MDC1: variants seen among roughly 807,000 people sequenced by gnomAD.
MDC1 encodes the protein mediator of DNA damage checkpoint 1, also known as mediator of DNA damage checkpoint protein 1.
A neutral mutation model predicts 142.5 loss-of-function variants in MDC1; 81 were observed. That is an observed-to-expected ratio of 0.57 (90% CI 0.47 to 0.68). The LOEUF (loss-of-function observed/expected upper bound fraction) is 0.68, where lower values mean the gene tolerates loss of function less well. Among genes scored for constraint, MDC1 ranks in the 30% least tolerant of loss-of-function variants. The pLI, the probability that MDC1 is intolerant of heterozygous loss-of-function variation, is 0.00. For missense variants in MDC1, 2,119 were observed against 2,547.9 expected, an observed-to-expected ratio of 0.83 and a Z score of 3.62; for synonymous variants, 797 against 968.4, an observed-to-expected ratio of 0.82 and a Z score of 3.29.
rs1230290996 is a variant in MDC1, at chr6:30,712,436, A to G, written c.1506T>C (p.Asp502=). The change falls in exon 5 of 15, where the codon GAT becomes GAC. Residue 502 remains aspartate (D), a synonymous_variant. Transcript: ENST00000376406. The surrounding 1 kb of genome is among the most constrained non-coding windows in gnomAD (Gnocchi z 4.7). ...CCAGGTGGATCCCAGGTGAGCTCTTATCTGCTTCCACACTGTCATCACTGT... is the reference window on the plus strand; with the variant it reads ...CCAGGTGGATCCCAGGTGAGCTCTTGTCTGCTTCCACACTGTCATCACTGT... ...FGDSDDSVEA[D]KSSPGIHLER... 2.5e-6 allele frequency: 4 copies of G among 1,612,886 alleles called. No individual in the cohort carries two copies. The highest frequency in any genetic ancestry group is 3.4e-6 in the Non-Finnish European group (4 of 1,179,998).
rs1226328440 is a variant in MDC1, at chr6:30,703,898, C to T, written c.5285G>A (p.Arg1762Lys). The T allele has an allele frequency of 1.2e-6, 2 of 1,614,186 alleles. No homozygotes were observed. Among genetic ancestry groups the T allele is most frequent in the East Asian group, 2.2e-5 (1 of 44,886 alleles). Residue 1762 changes from arginine to lysine, a missense_variant, in exon 10 of 15, where the codon AGA (arginine) becomes AAA (lysine). Physicochemically the swap from Arg to Lys is conservative, Grantham distance 26 (BLOSUM62 2). Transcript: ENST00000376406. This position sits in a 1 kb window ranked among gnomAD's most constrained non-coding sequence, Gnocchi z 4.4. ...ASRNQRWGAV[R>K]AAESLTAIPE... is the part of the protein sequence containing the mutation. ...AATGGCTGTAAGGGATTCAGCTGCTCTCACTGCTCCCCATCTTTGGTTCCT... is the reference window on the plus strand; with the variant it reads ...AATGGCTGTAAGGGATTCAGCTGCTTTCACTGCTCCCCATCTTTGGTTCCT...
chr6:30,708,384 A>G (rs1391283051), intron 7 of MDC1, 27 bp from the exon 8 acceptor site: 5 of 1,565,398 alleles, frequency 3.2e-6, no homozygotes, highest in East Asian at 4.5e-5. Flanking sequence ...GAAGAGAGAG[A>G]GAGGGAGAGG....
chr6:30,700,624 T>A lies in MDC1; in HGVS notation c.6111A>T (p.Arg2037Ser). Residue 2037 changes from arginine to serine, a missense_variant, in exon 15 of 15, where the codon AGA becomes AGT. Arg to Ser is a moderately radical substitution (Grantham distance 110, BLOSUM62 -1). Coordinates refer to ENST00000376406, the MANE Select transcript of MDC1 (RefSeq NM_014641.3). ...AGTCCTGAGGGCATGTGATCACAAC[T>A]CTCTGAGGCTGGGGAAGACAGAGCA... ...PSMPRSYKPQ[R>S]VVITCPQDFP... 6.2e-7 allele frequency: 1 copy of A among 1,612,644 alleles called. No individual in the cohort carries two copies. The highest frequency in any genetic ancestry group is 8.5e-7 in the Non-Finnish European group (1 of 1,179,852).
intron 8 of MDC1, 52 bp downstream of exon 8, chr6:30,707,514 G>C (rs2127690522): frequency 1.4e-5 from 22 of 1,612,930 alleles, no homozygotes; most frequent in Non-Finnish European, 1.9e-5. Flanking sequence ...CCCAGGGGTT[G>C]ATTATCACGA....
At chr6:30,714,943 T>C in intron 2 of MDC1, 97 bp downstream of exon 2, 1 of 1,405,840 alleles carries the variant, frequency 7.1e-7, no homozygotes, top group Non-Finnish European at 9.8e-7. Context: ...AATTCACATC[T>C]CATTGAAACA....
Position 30,709,425 on chromosome 6 carries a change from G to A in MDC1, c.2222-1068C>T, listed in dbSNP as rs753001404. On this transcript the variant is annotated intron_variant, in intron 7 of 14. Coordinates refer to ENST00000376406, the MANE Select transcript of MDC1 (RefSeq NM_014641.3). The surrounding 1 kb of genome is among the most constrained non-coding windows in gnomAD (Gnocchi z 4.2). ...AATTGTACATATTTATGGGGTACCT[G>A]TGCTATTTTGACTCATGCATACAAT... Among the ~76,000 whole-genome samples, 11 of 152,096 alleles carry A rather than the reference G, an allele frequency of 7.2e-5. No homozygotes were observed. Among genetic ancestry groups the A allele is most frequent in the Non-Finnish European group, 1.5e-4 (10 of 68,032 alleles).
chr6:30,701,503 T>C (rs1772686762), intron 14 of MDC1, among the ~76,000 whole-genome samples: 1 of 152,112 alleles, frequency 6.6e-6, no homozygotes, highest in Admixed American at 6.5e-5. Context: ...ACAAGATAAA[T>C]TATATGACAA....
At chr6:30,701,385 G>C (rs1022453152) in intron 14 of MDC1, among the ~76,000 whole-genome samples, 1 of 151,422 alleles carries the variant, frequency 6.6e-6, no homozygotes, top group Non-Finnish European at 1.5e-5. Flanking sequence ...TGGCGACAGA[G>C]TGAGACTCTC....
rs1774966285 is a variant in MDC1 at position 30,711,884 on chromosome 6, G to A, written c.2058C>T (p.Asp686=). Residue 686 remains aspartate, a synonymous_variant, in exon 5 of 15, where the codon GAC becomes GAT. Transcript: ENST00000376406. ...QHVGGTKDSE[D]NYGDSEDLDL... ...AAGGCCAGCACTTACCACCATAGTT[G>A]TCTTCAGAGTCCTTGGTCCCACCCA... The A allele has an allele frequency of 6.5e-7, 1 of 1,531,488 alleles. No homozygotes were observed. Among genetic ancestry groups the A allele is most frequent in the African/African-American group, 1.4e-5 (1 of 72,230 alleles). The allele number at this position is 1,531,488 out of a possible 1,614,324, so 94.9% of individuals were successfully genotyped here. A position where few individuals can be genotyped will look rare whatever the true frequency, so the allele number is the denominator to read the frequency against.
chr6:30,712,860 G>A lies in MDC1; in HGVS notation c.1082C>T (p.Pro361Leu), dbSNP rs1248362617. The change falls in exon 5 of 15, where the codon CCT becomes CTT. Residue 361 changes from proline to leucine, a missense_variant. Transcript: ENST00000376406. The surrounding 1 kb of genome is among the most constrained non-coding windows in gnomAD (Gnocchi z 4.7). ...CAGATGGGCCAGGCCTGGTGCTCCA[G>A]GACCCCTTGTACCTACTCCATGGAA... The part of the protein sequence containing the change: ...KIFHGVGTRG[P>L]GAPGLAHLQE... The A allele has an allele frequency of 6.2e-7, 1 of 1,612,922 alleles. No homozygotes were observed. Among genetic ancestry groups the A allele is most frequent in the East Asian group, 2.2e-5 (1 of 44,900 alleles).
chr6:30,713,182 T>C lies in MDC1; in HGVS notation c.760A>G (p.Thr254Ala), dbSNP rs1157967221. The C allele has an allele frequency of 6.2e-7, 1 of 1,613,062 alleles. No homozygotes were observed. Among genetic ancestry groups the C allele is most frequent in the South Asian group, 1.1e-5 (1 of 91,086 alleles). Reference sequence around the variant, plus strand: ...TGATCCTTTTCAAGCTGGATTTCAGTTACAACTTCAGCTTCAGACTGCTTT... The same window carrying C: ...TGATCCTTTTCAAGCTGGATTTCAGCTACAACTTCAGCTTCAGACTGCTTT... Reference protein sequence around the residue: ...EAKQSEAEVVTEIQLEKDQPL... With the variant: ...EAKQSEAEVVAEIQLEKDQPL... Residue 254 changes from threonine (T) to alanine (A), a missense_variant, in exon 5 of 15, where the codon ACT becomes GCT. Physicochemically the swap from Thr to Ala is moderately conservative, Grantham distance 58. Transcript: ENST00000376406. The surrounding 1 kb of genome is among the most constrained non-coding windows in gnomAD (Gnocchi z 4.9).
In MDC1 at chr6:30,704,212, G is replaced by T. The variant is rs28986317; in HGVS notation, c.4971C>A (p.Ala1657=). 1 of 1,613,840 alleles carries T rather than the reference G, an allele frequency of 6.2e-7. No homozygotes were observed. The highest frequency in any genetic ancestry group is 8.5e-7 in the Non-Finnish European group (1 of 1,179,866). The change falls in exon 10 of 15, where the codon GCC becomes GCA. Residue 1657 remains alanine (A), a synonymous_variant. Coordinates refer to ENST00000376406, the MANE Select transcript of MDC1 (RefSeq NM_014641.3). Reference sequence around the variant, plus strand: ...TGGGGGTAAAAGGCTCAAGATCAGAGGCTGCTGGTTCAACTGGTTTGGGAG... The same window carrying T: ...TGGGGGTAAAAGGCTCAAGATCAGATGCTGCTGGTTCAACTGGTTTGGGAG... ...VKTPKPVEPA[A]SDLEPFTPTD...
In MDC1 at chr6:30,716,227, C is replaced by CTTTCT. The variant is rs60594424; in HGVS notation, c.-4+1017_-4+1018insAGAAA. On this transcript the variant is annotated intron_variant, in intron 1 of 14. Transcript: ENST00000376406. This position sits in a 1 kb window ranked among gnomAD's most constrained non-coding sequence, Gnocchi z 4.4. ...ATTCAGTTCAAATGTCACTTTCTTTCTTTTTTTTTTTTTTGAGATGGAATC... is the reference window on the plus strand; with the variant it reads ...ATTCAGTTCAAATGTCACTTTCTTTCTTTCTTTTTTTTTTTTTTTGAGATGGAATC... 0.047 allele frequency among the ~76,000 whole-genome samples: 6,763 copies of CTTTCT among 144,368 alleles called. 342 individuals carry two copies. Among genetic ancestry groups the CTTTCT allele is most frequent in the African/African-American group, 0.12 (4,723 of 39,582 alleles). The allele number at this position is 144,368 out of a possible 152,430, so 94.7% of individuals were successfully genotyped here.
chr6:30,704,007 C>T lies in MDC1; in HGVS notation c.5176G>A (p.Ala1726Thr). ...GCGAGGGAGCCAGGGTTCCCAGCGGCTCTCTGCCTCTTGATGCAACTGGGT... is the reference window on the plus strand; with the variant it reads ...GCGAGGGAGCCAGGGTTCCCAGCGGTTCTCTGCCTCTTGATGCAACTGGGT... The part of the protein sequence containing the change: ...TQPSCIKRQR[A>T]AGNPGSLAAP... Residue 1726 changes from alanine (A) to threonine (T), a missense_variant, in exon 10 of 15, where the codon GCC becomes ACC. Transcript: ENST00000376406. 1 of 1,614,214 alleles carries T rather than the reference C, an allele frequency of 6.2e-7. No individual in the cohort carries two copies. Among genetic ancestry groups the T allele is most frequent in the Non-Finnish European group, 8.5e-7 (1 of 1,180,034 alleles).
Position 30,703,042 on chromosome 6 carries a change from T to C in MDC1, c.5865+62A>G. 1 of 1,584,412 alleles carries C rather than the reference T, an allele frequency of 6.3e-7. No individual in the cohort carries two copies. Among genetic ancestry groups the C allele is most frequent in the Non-Finnish European group, 8.6e-7 (1 of 1,162,548 alleles). On this transcript the variant is annotated intron_variant, in intron 12 of 14. Transcript: ENST00000376406. This position sits in a 1 kb window ranked among gnomAD's most constrained non-coding sequence, Gnocchi z 4.4. ...ACGCCTCTTCCCTTCCACCACTTTC[T>C]AGGGCACTATATGAGCAGTCTTGCC...
Position 30,703,047 on chromosome 6 carries a change from CA to C in MDC1, c.5865+56del. The C allele has an allele frequency of 6.3e-7, 1 of 1,586,442 alleles. No homozygotes were observed. The highest frequency in any genetic ancestry group is 8.6e-7 in the Non-Finnish European group (1 of 1,163,558). On this transcript the variant is annotated intron_variant, in intron 12 of 14. Transcript: ENST00000376406. This position sits in a 1 kb window ranked among gnomAD's most constrained non-coding sequence, Gnocchi z 4.4. ...TCTTCCCTTCCACCACTTTCTAGGG[CA>C]CTATATGAGCAGTCTTGCCACTATA...
In MDC1 at chr6:30,707,625, G is replaced by A. The variant is rs1422379570; in HGVS notation, c.2954C>T (p.Pro985Leu). Residue 985 changes from proline (P) to leucine (L), a missense_variant, in exon 8 of 15, where the codon CCT becomes CTT. By Grantham distance (98) the Pro-to-Leu change is moderately conservative. Transcript: ENST00000376406. The part of the protein sequence containing the change: ...DLPGPTSAPV[P>L]SGSQSGGRGS... ...CCTTCCACCTGACTGGCTCCCAGAA[G>A]GTACGGGGGCTGAGGTAGGTCCCGG... The A allele has an allele frequency of 6.2e-7, 1 of 1,612,814 alleles. No homozygotes were observed. The highest frequency in any genetic ancestry group is 8.5e-7 in the Non-Finnish European group (1 of 1,179,928).
chr6:30,708,071 C>G lies in MDC1; in HGVS notation c.2508G>C (p.Glu836Asp). ...CTGTCTGTCTTTCTGGTAGCAGTTT[C>G]TCAGTTTCTCTCTCCAATGGCCCTC... ...PERGPLERETEKLLPERQTDV... is the reference protein window; with the variant it reads ...PERGPLERETDKLLPERQTDV... The change falls in exon 8 of 15, where the codon GAG (glutamate) becomes GAC (aspartate). Residue 836 changes from glutamate to aspartate, a missense_variant. By Grantham distance (45) the Glu-to-Asp change is conservative. Transcript: ENST00000376406. 6.2e-7 allele frequency: 1 copy of G among 1,613,062 alleles called. No individual in the cohort carries two copies. The highest frequency in any genetic ancestry group is 8.5e-7 in the Non-Finnish European group (1 of 1,180,030).
In MDC1 at chr6:30,711,946, C is replaced by T; in HGVS notation, c.1996G>A (p.Ala666Thr). 3 of 1,560,364 alleles carry T rather than the reference C, an allele frequency of 1.9e-6. No individual in the cohort carries two copies. The highest frequency in any genetic ancestry group is 1.2e-5 in the South Asian group (1 of 82,098). The change falls in exon 5 of 15, where the codon GCC (alanine) becomes ACC (threonine). Residue 666 changes from alanine to threonine, a missense_variant. Ala to Thr is a moderately conservative substitution (Grantham distance 58). Coordinates refer to ENST00000376406, the MANE Select transcript of MDC1 (RefSeq NM_014641.3). ...CTCTCCCTTCCTGTGGGGACCTGGG[C>T]TCCCTCTCTCTGTGGCTGGGTGGAT... ...GESTQPQREGAQVPTGREREQ... is the reference protein window; with the variant it reads ...GESTQPQREGTQVPTGREREQ...
Sources: allele counts gnomAD v4.1 joint callset (sites outside exome capture counted in the v4.1 genomes callset), GRCh38; gene constraint gnomAD v4.1.1; non-coding constraint Gnocchi (gnomAD v3.1); transcripts MANE v1.5; gene names NCBI Gene and HGNC (gene_info 2026-07-23, HGNC 2026-07-21).